The following SLX4 variants were observed in gnomAD, a reference collection of about 807,000 sequenced individuals.
The protein encoded by SLX4 is structure-specific endonuclease subunit SLX4.
SLX4 carries 112 observed loss-of-function variants against 146.2 expected under a neutral mutation model. The observed-to-expected ratio is 0.77, with a 90% CI of 0.66 to 0.90. SLX4 has a LOEUF of 0.90. Ranked by LOEUF, SLX4 falls within the 40% of genes least tolerant of loss-of-function variation. SLX4 has a pLI of 0.00. For missense variants in SLX4, 2,563 were observed against 2,392.7 expected, an observed-to-expected ratio of 1.07 and a Z score of -1.49; for synonymous variants, 1,061 against 997.7, an observed-to-expected ratio of 1.06 and a Z score of -1.20.
In SLX4 at chr16:3,590,674, T is replaced by C. The variant is rs1596522182; in HGVS notation, c.2964A>G (p.Ser988=). ...GCTCTGAGATCTCTCCCTGAGTTGATGAGAAGAGCTGTTCGTAATCCCCGG... is the reference window on the plus strand; with the variant it reads ...GCTCTGAGATCTCTCCCTGAGTTGACGAGAAGAGCTGTTCGTAATCCCCGG... ...DDAGDYEQLF[S]STQGEISEPS... The change falls in exon 12 of 15, where the codon TCA becomes TCG. Residue 988 remains serine, a synonymous_variant. Coordinates refer to ENST00000294008, the MANE Select transcript of SLX4 (RefSeq NM_032444.4). The surrounding 1 kb of genome is among the most constrained non-coding windows in gnomAD (Gnocchi z 4.8). 1 of 1,613,720 alleles carries C rather than the reference T, an allele frequency of 6.2e-7. No homozygotes were observed. Among genetic ancestry groups the C allele is most frequent in the African/African-American group, 1.3e-5 (1 of 74,932 alleles).
At chr16:3,594,920 C>T (rs1014505826) in intron 9 of SLX4, among the ~76,000 whole-genome samples, 45 of 152,164 alleles carry the variant, frequency 3.0e-4, no homozygotes, top group African/African-American at 9.2e-4. Context: ...GGACAGGCTG[C>T]GGGATACCTG....
At chr16:3,596,640 C>A (rs1232220199) in intron 7 of SLX4, among the ~76,000 whole-genome samples, 1 of 152,234 alleles carries the variant, frequency 6.6e-6, no homozygotes, top group African/African-American at 2.4e-5. Flanking sequence ...CATCTGTTTG[C>A]ACAAAGGCTT....
chr16:3,608,729 G>C lies in SLX4; in HGVS notation c.236C>G (p.Ala79Gly), dbSNP rs2151139592. 2 of 1,614,230 alleles carry C rather than the reference G, an allele frequency of 1.2e-6. No individual in the cohort carries two copies. The change falls in exon 2 of 15, where the codon GCT becomes GGT. Residue 79 changes from alanine to glycine, a missense_variant. Ala to Gly is a moderately conservative substitution (Grantham distance 60). Transcript: ENST00000294008. ...TCTTATCTGAGTGCCGTTTGAGGCA[G>C]CCTTTTGTGTCTTCCTTTCTCCTGA... is the stretch of plus-strand genomic sequence containing the variant. Reference protein sequence around the residue: ...EVSGERKTQKAASNGTQIRSK... With the variant: ...EVSGERKTQKGASNGTQIRSK...
At position 3,590,768 on chromosome 16, in the gene SLX4, C is replaced by T. The variant is rs764179710; in HGVS notation, c.2870G>A (p.Ser957Asn). The T allele has an allele frequency of 1.9e-6, 3 of 1,613,968 alleles. No individual in the cohort carries two copies. The highest frequency in any genetic ancestry group is 2.5e-6 in the Non-Finnish European group (3 of 1,180,038). The change falls in exon 12 of 15, where the codon AGC becomes AAC. Residue 957 changes from serine (S) to asparagine (N), a missense_variant. Coordinates refer to ENST00000294008, the MANE Select transcript of SLX4 (RefSeq NM_032444.4). This position sits in a 1 kb window ranked among gnomAD's most constrained non-coding sequence, Gnocchi z 4.8. The part of the protein sequence containing the change: ...EAPEEALGHS[S>N]CSSPSRDCQA... ...GCAGTCCCTGGAAGGGCTGGAGCAG[C>T]TGGAATGGCCAAGCGCCTCCTCTGG...
In SLX4 at chr16:3,597,416, C is replaced by T. The variant is rs779660315; in HGVS notation, c.1646G>A (p.Arg549Lys). 5 of 1,602,194 alleles carry T rather than the reference C, an allele frequency of 3.1e-6. No homozygotes were observed. The change falls in exon 7 of 15, where the codon AGG becomes AAG. Residue 549 changes from arginine to lysine, a missense_variant. Coordinates refer to ENST00000294008, the MANE Select transcript of SLX4 (RefSeq NM_032444.4). The surrounding 1 kb of genome is among the most constrained non-coding windows in gnomAD (Gnocchi z 4.4). The stretch of plus-strand genomic sequence containing the variant: ...CTGGGGCACGAGAGGAGGGACCAGC[C>T]TGGCCGTGTAGAAGTCCTCCATGGC... ...AWAMEDFYTARLVPPLVPQRP... is the reference protein window; with the variant it reads ...AWAMEDFYTAKLVPPLVPQRP...
intron 2 of SLX4, 149 bp from the exon 3 acceptor site, chr16:3,606,847 G>C (rs971500935): frequency 4.2e-5 from 33 of 794,282 alleles, no homozygotes; most frequent in Admixed American, 8.1e-5. Flanking sequence ...CTGGTTGCTT[G>C]TTGGTAACCT....
At chr16:3,586,185 T>C (rs548844975) in intron 12 of SLX4, among the ~76,000 whole-genome samples, 1 of 152,224 alleles carries the variant, frequency 6.6e-6, no homozygotes, top group African/African-American at 2.4e-5. Context: ...ACACGAAAAC[T>C]TGCACATCAA....
intron 5 of SLX4, chr16:3,600,591 CTTTTTTT>C (rs974875930): frequency 2.6e-4 from 27 of 102,604 alleles, no homozygotes; most frequent in African/African-American, 8.0e-4. Flanking sequence ...CTATAAAAAG[CTTTTTTT>C]TTTTTTTTTT....
chr16:3,601,285 C>T, intron 4 of SLX4, 94 bp from the exon 5 acceptor site: 4 of 1,337,490 alleles, frequency 3.0e-6, no homozygotes, highest in Non-Finnish European at 3.2e-6. Context: ...GTGCTGTGGT[C>T]AAAGCAAGTT....
intron 3 of SLX4, among the ~76,000 whole-genome samples, chr16:3,603,416 A>C (rs2040749538): frequency 6.6e-6 from 1 of 152,222 alleles, no homozygotes; most frequent in South Asian, 2.1e-4. Context: ...GAAGATACAG[A>C]GAGAACTGAG....
At position 3,606,641 on chromosome 16, in the gene SLX4, G is replaced by A. The variant is rs2040787647; in HGVS notation, c.593C>T (p.Pro198Leu). Residue 198 changes from proline (P) to leucine (L), a missense_variant, in exon 3 of 15, where the codon CCA (proline) becomes CTA (leucine). Physicochemically the swap from Pro to Leu is moderately conservative, Grantham distance 98. Transcript: ENST00000294008. ...PPPSCLTTAV[P>L]SPSKPRTAQL... is the part of the protein sequence containing the mutation. ...TGCTGTGCGGGGTTTGGAGGGACTT[G>A]GCACTGCTGTTGTCAAACAGGAAGG... 1.2e-6 allele frequency: 2 copies of A among 1,614,196 alleles called. No individual in the cohort carries two copies. Among genetic ancestry groups the A allele is most frequent in the African/African-American group, 2.7e-5 (2 of 75,046 alleles).
Position 3,597,552 on chromosome 16 carries a change from G to A in SLX4, c.1510C>T (p.Pro504Ser). The A allele has an allele frequency of 6.2e-7, 1 of 1,614,152 alleles. No homozygotes were observed. Among genetic ancestry groups the A allele is most frequent in the South Asian group, 1.1e-5 (1 of 91,080 alleles). ...EVELSSTPPL[P>S]ASRILKEGWE... ...CCTTCCTTTAAAATCCTGCTGGCAG[G>A]AAGTGGTGGCGTGCTAGACAATTCC... The change falls in exon 7 of 15, where the codon CCT (proline) becomes TCT (serine). Residue 504 changes from proline to serine, a missense_variant. Pro to Ser is a moderately conservative substitution (Grantham distance 74, BLOSUM62 -1). Transcript: ENST00000294008. This position sits in a 1 kb window ranked among gnomAD's most constrained non-coding sequence, Gnocchi z 4.4.
chr16:3,598,654 A>G (rs1183358458), intron 5 of SLX4, among the ~76,000 whole-genome samples: 5 of 152,214 alleles, frequency 3.3e-5, no homozygotes, highest in Admixed American at 6.5e-5. Context: ...GAGGTGACAA[A>G]GGAACTTAGC....
At chr16:3,591,381 G>T in intron 11 of SLX4, 71 bp from the exon 12 acceptor site, 1 of 1,589,490 alleles carries the variant, frequency 6.3e-7, no homozygotes. Context: ...CGGTGGGGTG[G>T]CGGACCAGAG....
rs757773312 is a variant in SLX4 at position 3,592,735 on chromosome 16, G to A, written c.2291C>T (p.Pro764Leu). The A allele has an allele frequency of 6.2e-7, 1 of 1,613,482 alleles. No homozygotes were observed. Among genetic ancestry groups the A allele is most frequent in the African/African-American group, 1.3e-5 (1 of 75,052 alleles). Reference sequence around the variant, plus strand: ...GGAGCTCAGCTCAGAGCTAAGGCCAGGAGGAAGGCCAGTGTCCGCAGTGTA... The same window carrying A: ...GGAGCTCAGCTCAGAGCTAAGGCCAAGAGGAAGGCCAGTGTCCGCAGTGTA... The part of the protein sequence containing the change: ...YLYTADTGLP[P>L]GLSSELSSLA... The change falls in exon 11 of 15, where the codon CCT (proline) becomes CTT (leucine). Residue 764 changes from proline (P) to leucine (L), a missense_variant. Coordinates refer to ENST00000294008, the MANE Select transcript of SLX4 (RefSeq NM_032444.4).
At chr16:3,593,381 T>C (rs868288995) in intron 10 of SLX4, among the ~76,000 whole-genome samples, 33 of 152,164 alleles carry the variant, frequency 2.2e-4, no homozygotes, top group African/African-American at 7.0e-4. Flanking sequence ...GCCCCTAGGC[T>C]AATTTTTAAA....
Position 3,608,734 on chromosome 16 carries a change from T to C in SLX4, c.231A>G (p.Gln77=), listed in dbSNP as rs143279888. 566 of 1,614,108 alleles carry C rather than the reference T, an allele frequency of 3.5e-4. 6 individuals are homozygous for C. The highest frequency in any genetic ancestry group is 1.7e-4 in the Admixed American group (10 of 60,004). The change falls in exon 2 of 15, where the codon CAA becomes CAG. Residue 77 remains glutamine (Q), a synonymous_variant. Transcript: ENST00000294008. ...IKEVSGERKT[Q]KAASNGTQIR... Reference sequence around the variant, plus strand: ...TCTGAGTGCCGTTTGAGGCAGCCTTTTGTGTCTTCCTTTCTCCTGACACTT... The same window carrying C: ...TCTGAGTGCCGTTTGAGGCAGCCTTCTGTGTCTTCCTTTCTCCTGACACTT...
At position 3,597,735 on chromosome 16, in the gene SLX4, G is replaced by T; in HGVS notation, c.1367-40C>A. 6.2e-7 allele frequency: 1 copy of T among 1,613,930 alleles called. No homozygotes were observed. The highest frequency in any genetic ancestry group is 8.5e-7 in the Non-Finnish European group (1 of 1,179,944). On this transcript the variant is annotated intron_variant, in intron 6 of 14. Transcript: ENST00000294008. The surrounding 1 kb of genome is among the most constrained non-coding windows in gnomAD (Gnocchi z 4.4). ...AAGCGACACCATCAACGGTGGAGTC[G>T]GTCCACTCACCCGGGACCTGCTGAT...
chr16:3,597,959 T>G lies in SLX4; in HGVS notation c.1204A>C (p.Thr402Pro), dbSNP rs1360701575. 6.2e-7 allele frequency: 1 copy of G among 1,614,146 alleles called. No homozygotes were observed. Among genetic ancestry groups the G allele is most frequent in the Non-Finnish European group, 8.5e-7 (1 of 1,180,030 alleles). Residue 402 changes from threonine (T) to proline (P), a missense_variant, in exon 6 of 15, where the codon ACC (threonine) becomes CCC (proline). Physicochemically the swap from Thr to Pro is conservative, Grantham distance 38. Coordinates refer to ENST00000294008, the MANE Select transcript of SLX4 (RefSeq NM_032444.4). The surrounding 1 kb of genome is among the most constrained non-coding windows in gnomAD (Gnocchi z 4.4). ...HSRGLKRRGP[T>P]SKKEPRKRRK... is the part of the protein sequence containing the mutation. ...CTCTTCCGTGGCTCCTTCTTGCTGGTGGGTCCTCTCCGTTTCAGACCTCTA... is the reference window on the plus strand; with the variant it reads ...CTCTTCCGTGGCTCCTTCTTGCTGGGGGGTCCTCTCCGTTTCAGACCTCTA...
Sources: gnomAD v4.1 joint callset for allele counts (sites outside exome capture counted in the v4.1 genomes callset) on GRCh38, gnomAD v4.1.1 for gene constraint, Gnocchi (gnomAD v3.1) non-coding constraint, MANE v1.5 for transcripts, NCBI Gene and HGNC (gene_info 2026-07-23, HGNC 2026-07-21) for gene names.